SIPA1L3: variants seen among roughly 807,000 people sequenced by gnomAD.
The protein encoded by SIPA1L3 is signal induced proliferation associated 1 like 3, also known as signal-induced proliferation-associated 1-like protein 3.
Under a neutral mutation model 150.1 loss-of-function variants are expected in SIPA1L3, and 59 were observed. The observed-to-expected ratio is 0.39, with a 90% confidence interval of 0.32 to 0.49. The LOEUF is 0.49. SIPA1L3 is among the 20% of genes least tolerant of loss of function. SIPA1L3 has a pLI of 0.86. For missense variants in SIPA1L3, 2,211 were observed against 2,489.5 expected (o/e 0.89, Z 2.38); for synonymous variants, 1,070 against 1,077.6 (o/e 0.99, Z 0.14).
intron 7 of SIPA1L3, 43 bp downstream of exon 7, chr19:38,106,683 G>A: frequency 7.2e-7 from 1 of 1,379,482 alleles, no homozygotes; most frequent in Non-Finnish European, 1.0e-6. Context: ...GATGTTGGCT[G>A]CCCACCCACC....
At chr19:38,010,785 G>C (rs544764731) in intron 1 of SIPA1L3, among the ~76,000 whole-genome samples, 1 of 152,110 alleles carries the variant, frequency 6.6e-6, no homozygotes, top group Admixed American at 6.6e-5. Flanking sequence ...CACCTCTACT[G>C]TTACCCACTG....
intron 1 of SIPA1L3, among the ~76,000 whole-genome samples, chr19:37,986,704 C>A (rs796695581): frequency 3.3e-5 from 5 of 152,318 alleles, no homozygotes; most frequent in African/African-American, 1.2e-4. Flanking sequence ...GCACTGTTTA[C>A]AACGTGCCCG....
chr19:38,197,230 C>T lies in SIPA1L3; in HGVS notation c.4841-1159C>T, dbSNP rs562760177. The stretch of plus-strand genomic sequence containing the variant: ...AGCGGGCTGGGCCCACGGTCAGGCT[C>T]TGCCGATTCCCAGCTAAGGGCCCTG... On this transcript the variant is annotated intron_variant, in intron 18 of 21. Transcript: ENST00000222345. 3.8e-3 allele frequency among the ~76,000 whole-genome samples: 574 copies of T among 152,248 alleles called. 3 individuals are homozygous for T. The highest frequency in any genetic ancestry group is 0.013 in the African/African-American group (542 of 41,534).
rs561008371 is a variant in SIPA1L3 at position 38,155,187 on chromosome 19, A to G, written c.3661+2220A>G. On this transcript the variant is annotated intron_variant, in intron 13 of 21. Coordinates refer to ENST00000222345, the MANE Select transcript of SIPA1L3 (RefSeq NM_015073.3). The stretch of plus-strand genomic sequence containing the variant: ...CCTCACCAGCCTCTGTGTTTCATTC[A>G]TTCCGGTGGGCAGGTGGTGCTACCA... Among the ~76,000 whole-genome samples, 15 of 152,258 alleles carry G rather than the reference A, an allele frequency of 9.9e-5. No homozygotes were observed. The East Asian group carries it at 1.7e-3, about 18-fold the overall frequency.
chr19:38,083,065 C>T lies in SIPA1L3; in HGVS notation c.1500C>T (p.Gly500=), dbSNP rs566546947. The change falls in exon 3 of 22, where the codon GGC becomes GGT. Residue 500 remains glycine, a synonymous_variant. Transcript: ENST00000222345. ...ACAGCATCGAGCATGTGGACCTGGG[C>T]GCCCGCTACTACCAGGATTACTTCG... ...RQYSIEHVDL[G]ARYYQDYFVG... 1.8e-4 allele frequency: 297 copies of T among 1,612,082 alleles called. 3 individuals are homozygous for T. The South Asian group carries it at 2.9e-3, about 16-fold the overall frequency.
chr19:38,081,398 G>C lies in SIPA1L3; in HGVS notation c.-168G>C, dbSNP rs868045201. 18 of 637,108 alleles carry C rather than the reference G, an allele frequency of 2.8e-5. No homozygotes were observed. In the East Asian group the frequency reaches 3.6e-4, roughly 13 times the overall value. The allele number at this position is 637,108 out of a possible 1,614,324, so 39.5% of individuals were successfully genotyped here. A position where few individuals can be genotyped will look rare whatever the true frequency, so the allele number is the denominator to read the frequency against. ...TTGTCCTGGCTCAGCTGTGCACAGC[G>C]ATGGTGGAGAACTGGACTCCACAGG... On this transcript the variant is annotated 5_prime_UTR_variant, in exon 3 of 22. Transcript: ENST00000222345.
intron 2 of SIPA1L3, among the ~76,000 whole-genome samples, chr19:38,050,451 C>G (rs1969165524): frequency 1.3e-5 from 2 of 152,246 alleles, no homozygotes; most frequent in South Asian, 4.1e-4. Flanking sequence ...GTGAGACTGT[C>G]TCAACAATAA....
chr19:37,950,640 C>A lies in SIPA1L3; in HGVS notation c.-379+43282C>A, dbSNP rs2046755011. Among the ~76,000 whole-genome samples, 2 of 152,220 alleles carry A rather than the reference C, an allele frequency of 1.3e-5. 1 individual carries two copies. The highest frequency in any genetic ancestry group is 4.1e-4 in the South Asian group (2 of 4,832). Reference sequence around the variant, plus strand: ...GGGCTTGGTTCTAGGGCCTGCCTCGCCTCTGTCATGAAGGCTGCGCGGGGC... The same window carrying A: ...GGGCTTGGTTCTAGGGCCTGCCTCGACTCTGTCATGAAGGCTGCGCGGGGC... On this transcript the variant is annotated intron_variant, in intron 1 of 21. Transcript: ENST00000222345.
At chr19:38,165,583 C>T (rs1334257040) in intron 15 of SIPA1L3, among the ~76,000 whole-genome samples, 5 of 152,156 alleles carry the variant, frequency 3.3e-5, no homozygotes, top group Admixed American at 6.5e-5. Context: ...GCTGGCATCA[C>T]GGGGCCATCC....
intron 1 of SIPA1L3, among the ~76,000 whole-genome samples, chr19:38,013,586 T>G (rs1303197374): frequency 6.6e-6 from 1 of 152,250 alleles, no homozygotes; most frequent in Non-Finnish European, 1.5e-5. Flanking sequence ...GCATGTATTA[T>G]ATGTGCAGTT....
chr19:37,939,399 C>CAAAAAAAAAAAAAAAAAAAAAA, intron 1 of SIPA1L3, among the ~76,000 whole-genome samples: 1 of 69,218 alleles, frequency 1.4e-5, no homozygotes, highest in Non-Finnish European at 2.7e-5. Flanking sequence ...GACTCCATGT[C>CAAAAAAAAAAAAAAAAAAAAAA]AAAAAAAAAA....
intron 1 of SIPA1L3, among the ~76,000 whole-genome samples, chr19:37,973,871 A>G (rs143307086): frequency 1.3e-5 from 2 of 152,200 alleles, no homozygotes; most frequent in Non-Finnish European, 2.9e-5. Flanking sequence ...GTGATGCTAT[A>G]TTGGAACTCT....
intron 1 of SIPA1L3, among the ~76,000 whole-genome samples, chr19:37,990,886 T>C (rs1189884496): frequency 2.0e-5 from 3 of 152,084 alleles, no homozygotes; most frequent in Admixed American, 2.0e-4. Context: ...TTTTTCCAGA[T>C]GGGGAAAGTG....
chr19:38,194,444 G>A (rs920586000), intron 18 of SIPA1L3, among the ~76,000 whole-genome samples: 28 of 152,058 alleles, frequency 1.8e-4, no homozygotes, highest in Admixed American at 4.6e-4. Flanking sequence ...CTGGAGGGGC[G>A]TGAGGCTGTT....
At chr19:38,078,917 C>T (rs944869547) in intron 2 of SIPA1L3, among the ~76,000 whole-genome samples, 3 of 152,122 alleles carry the variant, frequency 2.0e-5, no homozygotes, top group Admixed American at 6.6e-5. Flanking sequence ...GAAGTGACCC[C>T]GCAGGGTGTT....
chr19:38,117,050 A>G (rs1568558487), intron 8 of SIPA1L3, among the ~76,000 whole-genome samples: 3 of 152,136 alleles, frequency 2.0e-5, no homozygotes, highest in Non-Finnish European at 4.4e-5. Flanking sequence ...TCATCAACAG[A>G]TCTTCTCCCT....
At chr19:38,133,080 T>C (rs1304275629) in intron 10 of SIPA1L3, among the ~76,000 whole-genome samples, 2 of 152,214 alleles carry the variant, frequency 1.3e-5, no homozygotes, top group African/African-American at 2.4e-5. Context: ...TTCTGTAAAC[T>C]AGAGTCAAAG....
At position 38,130,802 on chromosome 19, in the gene SIPA1L3, T is replaced by G. The variant is rs1568566885; in HGVS notation, c.3143+30T>G. On this transcript the variant is annotated intron_variant, in intron 10 of 21. Transcript: ENST00000222345. ...GGGCCTCCACCTTTCAGCCAGGTGGTGGGTGGCAGCTCCCAGATCGCTGGC... is the reference window on the plus strand; with the variant it reads ...GGGCCTCCACCTTTCAGCCAGGTGGGGGGTGGCAGCTCCCAGATCGCTGGC... 1.9e-6 allele frequency: 3 copies of G among 1,569,230 alleles called. No individual in the cohort carries two copies. The African/African-American group carries it at 4.0e-5, about 21-fold the overall frequency.
At position 37,983,262 on chromosome 19, in the gene SIPA1L3, C is replaced by A. The variant is rs374907345; in HGVS notation, c.-378-45827C>A. 9.9e-5 allele frequency among the ~76,000 whole-genome samples: 15 copies of A among 152,142 alleles called. No homozygotes were observed. The East Asian group carries it at 2.9e-3, about 29-fold the overall frequency. Reference sequence around the variant, plus strand: ...GCAGTGGAGGGTGGTGGTTGAAAGCCGACCCTGGAGCCACGTGCTGGGAGT... The same window carrying A: ...GCAGTGGAGGGTGGTGGTTGAAAGCAGACCCTGGAGCCACGTGCTGGGAGT... On this transcript the variant is annotated intron_variant, in intron 1 of 21. Transcript: ENST00000222345.
Sources: allele counts gnomAD v4.1 joint callset (sites outside exome capture counted in the v4.1 genomes callset), GRCh38; gene constraint gnomAD v4.1.1; transcripts MANE v1.5; gene names NCBI Gene and HGNC (gene_info 2026-07-23, HGNC 2026-07-21).